STARD13: variants seen among roughly 807,000 people sequenced by gnomAD.
The protein encoded by STARD13 is StAR related lipid transfer domain containing 13, also known as stAR-related lipid transfer protein 13.
STARD13 carries 62 observed loss-of-function variants against 106.4 expected under a neutral mutation model. The ratio of observed to expected loss-of-function variants is 0.58; its 90% CI spans 0.48 to 0.72. The LOEUF (loss-of-function observed/expected upper bound fraction) is 0.72, where lower values mean the gene tolerates loss of function less well. STARD13 is among the 30% of genes least tolerant of loss of function. STARD13 has a pLI of 0.00. For synonymous variants in STARD13, 565 were observed against 553.0 expected (o/e 1.02, Z -0.31); for missense variants, 1,387 against 1,424.0 (o/e 0.97, Z 0.42).
At chr13:33,447,338 G>A in the STARD13 span, among the ~76,000 whole-genome samples, 5 of 152,184 alleles carry the variant, frequency 3.3e-5, no homozygotes, top group Non-Finnish European at 1.5e-5. Context: ...GCATGATGCT[G>A]CTGCAACACC....
intron 1 of STARD13, among the ~76,000 whole-genome samples, chr13:33,222,566 T>C (rs1888415114): frequency 1.3e-5 from 2 of 152,202 alleles, no homozygotes; most frequent in South Asian, 4.1e-4. Context: ...CTGTGCAATC[T>C]ACATAAGCAT....
chr13:33,569,745 G>A, the STARD13 span, among the ~76,000 whole-genome samples: 2 of 147,862 alleles, frequency 1.4e-5, 1 homozygote, highest in African/African-American at 4.9e-5. Context: ...TGATGAAATG[G>A]CAACAGAGTA....
At chr13:33,593,128 C>G in the STARD13 span, among the ~76,000 whole-genome samples, 1 of 152,014 alleles carries the variant, frequency 6.6e-6, no homozygotes, top group African/African-American at 2.4e-5. Context: ...GTCAATTCAG[C>G]CAGATTATGG....
the STARD13 span, among the ~76,000 whole-genome samples, chr13:33,417,370 C>T: frequency 1.5e-3 from 225 of 152,308 alleles, no homozygotes; most frequent in Middle Eastern, 3.4e-3. Context: ...TTCCTTCTAA[C>T]CTGACTGTTA....
At chr13:33,289,883 C>T (rs1294485102), upstream of STARD13, among the ~76,000 whole-genome samples, 3 of 142,210 alleles carry the variant, frequency 2.1e-5, no homozygotes, top group Non-Finnish European at 4.6e-5. Context: ...AGCAGCTCAG[C>T]TTGACCCTCT....
Position 33,107,940 on chromosome 13 carries a change from G to A in STARD13, c.3048-1006C>T, listed in dbSNP as rs144918567. On this transcript the variant is annotated intron_variant, in intron 12 of 13. Transcript: ENST00000336934. ...GTCATGTCCTCCATGATTTCACCCT[G>A]TCCTCCTACACCAGGAAGAGAAATG... 8.4e-4 allele frequency among the ~76,000 whole-genome samples: 128 copies of A among 152,180 alleles called. 1 individual carries two copies. The East Asian group carries it at 0.023, about 27-fold the overall frequency.
the STARD13 span, among the ~76,000 whole-genome samples, chr13:33,430,127 C>T: frequency 6.6e-6 from 1 of 152,180 alleles, no homozygotes. Flanking sequence ...CCATGTTAGC[C>T]AGGATGGTCT....
Position 33,129,317 on chromosome 13 carries a change from T to G in STARD13, c.1360A>C (p.Ser454Arg), listed in dbSNP as rs753436474. 1.9e-6 allele frequency: 3 copies of G among 1,614,188 alleles called. No homozygotes were observed. The South Asian group carries it at 3.3e-5, about 18-fold the overall frequency. The change falls in exon 5 of 14, where the codon AGC becomes CGC. Residue 454 changes from serine (S) to arginine (R), a missense_variant. Coordinates refer to ENST00000336934, the MANE Select transcript of STARD13 (RefSeq NM_178006.4). Reference sequence around the variant, plus strand: ...ACATTGTCATAGATACTGACTCGGCTGGCTCTGTGGCAGGACGCCATGAGC... The same window carrying G: ...ACATTGTCATAGATACTGACTCGGCGGGCTCTGTGGCAGGACGCCATGAGC... ...PRLMASCHRA[S>R]RVSIYDNVPG... is the part of the protein sequence containing the mutation.
At chr13:33,283,244 TTA>T (rs1343495193) in intron 1 of STARD13, among the ~76,000 whole-genome samples, 1 of 152,160 alleles carries the variant, frequency 6.6e-6, no homozygotes, top group Non-Finnish European at 1.5e-5. Flanking sequence ...CTCTAGTATA[TTA>T]TATAATCTGA....
chr13:33,619,833 T>G, the STARD13 span, among the ~76,000 whole-genome samples: 1 of 151,310 alleles, frequency 6.6e-6, no homozygotes. Flanking sequence ...GAGGCCGAGG[T>G]CGGCCAATCA....
chr13:33,524,643 T>C, the STARD13 span, among the ~76,000 whole-genome samples: 1 of 152,170 alleles, frequency 6.6e-6, no homozygotes, highest in African/African-American at 2.4e-5. Context: ...AGATAAATTA[T>C]AGAACTATAT....
At chr13:33,345,085 C>T (rs1290574698), downstream of STARD13, among the ~76,000 whole-genome samples, 2 of 152,206 alleles carry the variant, frequency 1.3e-5, no homozygotes, top group African/African-American at 4.8e-5. Context: ...CTGTCACTCT[C>T]CCACCTTGAA....
the STARD13 span, among the ~76,000 whole-genome samples, chr13:33,361,104 C>T: frequency 5.3e-5 from 8 of 151,600 alleles, no homozygotes; most frequent in Admixed American, 3.3e-4. Context: ...CGCGCCTGGC[C>T]TGGATTTTTT....
At chr13:33,485,901 A>G in the STARD13 span, among the ~76,000 whole-genome samples, 1 of 152,230 alleles carries the variant, frequency 6.6e-6, no homozygotes, top group Non-Finnish European at 1.5e-5. Flanking sequence ...AGACTGGGCT[A>G]AAATAAAATG....
At chr13:33,477,666 C>T in the STARD13 span, among the ~76,000 whole-genome samples, 1 of 152,132 alleles carries the variant, frequency 6.6e-6, no homozygotes, top group African/African-American at 2.4e-5. Flanking sequence ...ACAGGTGTCA[C>T]ATTTTCATTC....
intron 1 of STARD13, among the ~76,000 whole-genome samples, chr13:33,189,432 TTC>T (rs1411262647): frequency 0.052 from 748 of 14,326 alleles, 18 homozygotes; most frequent in African/African-American, 0.1. Context: ...CCTTCCTCCT[TTC>T]GGAGGAAGGA....
chr13:33,131,909 A>G (rs1458503108), intron 4 of STARD13, among the ~76,000 whole-genome samples: 2 of 152,186 alleles, frequency 1.3e-5, no homozygotes, highest in Non-Finnish European at 2.9e-5. Context: ...GCAGTCCCTC[A>G]CTGAGAGGTA....
the STARD13 span, among the ~76,000 whole-genome samples, chr13:33,427,226 T>C: frequency 6.6e-6 from 1 of 152,160 alleles, no homozygotes; most frequent in African/African-American, 2.4e-5. Context: ...CTTGTCTTAA[T>C]CACAAGGCTA....
chr13:33,621,140 GA>G, the STARD13 span, among the ~76,000 whole-genome samples: 1 of 151,864 alleles, frequency 6.6e-6, no homozygotes, highest in South Asian at 2.1e-4. Flanking sequence ...AACTGAAGTA[GA>G]AAATGTGTAA....
Sources: gnomAD v4.1 joint callset for allele counts (sites outside exome capture counted in the v4.1 genomes callset) on GRCh38, gnomAD v4.1.1 for gene constraint, MANE v1.5 for transcripts, NCBI Gene and HGNC (gene_info 2026-07-23, HGNC 2026-07-21) for gene names.